Variants in RAB11FIP5 observed in about 807,000 individuals in gnomAD.
RAB11FIP5 encodes the protein rab11 family-interacting protein 5.
A neutral mutation model predicts 85.1 loss-of-function variants in RAB11FIP5; 48 were observed. The observed-to-expected ratio is 0.56, with a 90% confidence interval of 0.45 to 0.72. RAB11FIP5 has a LOEUF of 0.72. Among genes scored for constraint, RAB11FIP5 ranks in the 30% least tolerant of loss-of-function variants. The pLI is 0.00. For missense variants in RAB11FIP5, 1,491 were observed against 1,687.0 expected (o/e 0.88, Z 2.04); for synonymous variants, 729 against 727.3 (o/e 1.00, Z -0.04).
intron 3 of RAB11FIP5, among the ~76,000 whole-genome samples, chr2:73,085,168 T>C (rs1684068554): frequency 6.6e-6 from 1 of 151,674 alleles, no homozygotes; most frequent in Non-Finnish European, 1.5e-5. Flanking sequence ...CCACCAAGAA[T>C]GCAGCCAAGC....
Position 73,080,978 on chromosome 2 carries a change from A to AG in RAB11FIP5, c.2253dup (p.Ser752LeufsTer39). 8.1e-7 allele frequency: 1 copy of AG among 1,232,238 alleles called. No homozygotes were observed. The highest frequency in any genetic ancestry group is 1.0e-6 in the Non-Finnish European group (1 of 988,044). The allele number at this position is 1,232,238 out of a possible 1,614,324, so 76.3% of individuals were successfully genotyped here. ...CTCAGCTGTAGCTGGGCTGACGAGG[A>AG]GGGCAGGCCAGCCCCTACCGACCCG... On this transcript the variant is annotated frameshift_variant, in exon 4 of 6. Coordinates refer to ENST00000486777, the MANE Select transcript of RAB11FIP5 (RefSeq NM_001371272.1). LOFTEE classifies it high-confidence loss of function.
Position 73,075,015 on chromosome 2 carries a change from G to C in RAB11FIP5, c.*506C>G. ...GGGGAATGGGTGTGAGGCTGAAGAG[G>C]CTGGTTGCCCGTAACTCACAGACAA... On this transcript the variant is annotated 3_prime_UTR_variant, in exon 6 of 6. Coordinates refer to ENST00000486777, the MANE Select transcript of RAB11FIP5 (RefSeq NM_001371272.1). The surrounding 1 kb of genome is among the most constrained non-coding windows in gnomAD (Gnocchi z 4.6). 2.8e-6 allele frequency: 1 copy of C among 357,000 alleles called. No individual in the cohort carries two copies. The highest frequency in any genetic ancestry group is 5.5e-6 in the Non-Finnish European group (1 of 181,410). 22.1% of individuals were successfully genotyped at this position (357,000 alleles called of 1,614,324 possible).
At chr2:73,092,366 G>A (rs1477533479) in intron 1 of RAB11FIP5, among the ~76,000 whole-genome samples, 2 of 152,250 alleles carry the variant, frequency 1.3e-5, no homozygotes, top group East Asian at 3.9e-4. Context: ...AATTACCTGA[G>A]GGGACCGGGG....
Position 73,088,544 on chromosome 2 carries a change from G to T in RAB11FIP5, c.1074C>A (p.Ile358=). 6.2e-7 allele frequency: 1 copy of T among 1,613,938 alleles called. No homozygotes were observed. The highest frequency in any genetic ancestry group is 8.5e-7 in the Non-Finnish European group (1 of 1,180,054). ...PQGPVRHRSS[I]SGSLPSSGSL... is the part of the protein sequence containing the mutation. Reference sequence around the variant, plus strand: ...AGCCAGAGGATGGAAGCGAGCCCGAGATGGAGCTGCGGTGCCGCACAGGGC... The same window carrying T: ...AGCCAGAGGATGGAAGCGAGCCCGATATGGAGCTGCGGTGCCGCACAGGGC... The change falls in exon 3 of 6, where the codon ATC becomes ATA. Residue 358 remains isoleucine, a synonymous_variant. Coordinates refer to ENST00000486777, the MANE Select transcript of RAB11FIP5 (RefSeq NM_001371272.1).
chr2:73,102,564 G>A (rs1302355569), intron 1 of RAB11FIP5, among the ~76,000 whole-genome samples: 1 of 152,180 alleles, frequency 6.6e-6, no homozygotes, highest in African/African-American at 2.4e-5. Flanking sequence ...GCCCCTGGGA[G>A]CACCCCTTTT....
At chr2:73,090,273 A>G (rs534434181) in intron 1 of RAB11FIP5, among the ~76,000 whole-genome samples, 1 of 152,250 alleles carries the variant, frequency 6.6e-6, no homozygotes, top group East Asian at 1.9e-4. Context: ...CCCAACACAC[A>G]TGGCCACCAC....
intron 4 of RAB11FIP5, among the ~76,000 whole-genome samples, chr2:73,076,562 G>A (rs988366753): frequency 2.6e-5 from 4 of 152,060 alleles, no homozygotes; most frequent in African/African-American, 9.7e-5. Context: ...TTTCTCTAGT[G>A]CGGTGACCAA....
In RAB11FIP5 at chr2:73,079,735, T is replaced by C; in HGVS notation, c.3497A>G (p.Asp1166Gly). 2.4e-6 allele frequency: 3 copies of C among 1,232,786 alleles called. No individual in the cohort carries two copies. Among genetic ancestry groups the C allele is most frequent in the South Asian group, 4.1e-5 (1 of 24,338 alleles). 76.4% of individuals were successfully genotyped at this position (1,232,786 alleles called of 1,614,324 possible). ...PGGSPALLRE[D>G]LAAATPASPL... is the part of the protein sequence containing the mutation. ...GGAGGCTGGGGTGGCTGCAGCGAGG[T>C]CCTCCCTAAGTAGGGCAGGGGAGCC... The change falls in exon 4 of 6, where the codon GAC becomes GGC. Residue 1166 changes from aspartate (D) to glycine (G), a missense_variant. Transcript: ENST00000486777.
chr2:73,112,592 C>T lies in RAB11FIP5; in HGVS notation c.186G>A (p.Lys62=), dbSNP rs772858868. ...REKYSTSVVE[K]THGCPEWREE... ...CACGCCACTCGGGGCAGCCGTGCGT[C>T]TTCTCCACCACCGACGTACTGTACT... The change falls in exon 1 of 6, where the codon AAG becomes AAA. Residue 62 remains lysine, a synonymous_variant. Coordinates refer to ENST00000486777, the MANE Select transcript of RAB11FIP5 (RefSeq NM_001371272.1). The T allele has an allele frequency of 5.7e-5, 91 of 1,599,130 alleles. No homozygotes were observed. The highest frequency in any genetic ancestry group is 7.7e-5 in the Non-Finnish European group (90 of 1,174,530).
In RAB11FIP5 at chr2:73,076,047, C is replaced by G; in HGVS notation, c.3717G>C (p.Gln1239His). ...CAGCCTGGGGGGCCTGGGTCACAGG[C>G]TGAATGCTCCCAGATGTGACTGTTT... ...KLKTVTSGSI[Q>H]PVTQAPQAGQ... is the part of the protein sequence containing the mutation. The change falls in exon 5 of 6, where the codon CAG becomes CAC. Residue 1239 changes from glutamine to histidine, a missense_variant. Physicochemically the swap from Gln to His is conservative, Grantham distance 24 (BLOSUM62 0). Around this residue, in one of 3 missense-constraint regions of RAB11FIP5, gnomAD observed 232 missense variants for 259.1 expected, o/e 0.90. Coordinates refer to ENST00000486777, the MANE Select transcript of RAB11FIP5 (RefSeq NM_001371272.1). The G allele has an allele frequency of 1.9e-6, 3 of 1,614,144 alleles. No individual in the cohort carries two copies. Among genetic ancestry groups the G allele is most frequent in the South Asian group, 1.1e-5 (1 of 91,090 alleles).
Position 73,081,252 on chromosome 2 carries a change from C to T in RAB11FIP5, c.1980G>A (p.Leu660=), listed in dbSNP as rs1683972752. 1 of 1,232,284 alleles carries T rather than the reference C, an allele frequency of 8.1e-7. No homozygotes were observed. The highest frequency in any genetic ancestry group is 1.6e-5 in the African/African-American group (1 of 64,422). 76.3% of individuals were successfully genotyped at this position (1,232,284 alleles called of 1,614,324 possible). A position where few individuals can be genotyped will look rare whatever the true frequency, so the allele number is the denominator to read the frequency against. Residue 660 remains leucine, a synonymous_variant, in exon 4 of 6, where the codon CTG becomes CTA. Coordinates refer to ENST00000486777, the MANE Select transcript of RAB11FIP5 (RefSeq NM_001371272.1). This position sits in a 1 kb window ranked among gnomAD's most constrained non-coding sequence, Gnocchi z 4.2. ...GGATCTCGCTCCTGGCCTCTGGACG[C>T]AGCCTGCTGGCAGCAAAGACGTTGA... is the stretch of plus-strand genomic sequence containing the variant. The part of the protein sequence containing the change: ...NTFNVFAASR[L]RPEARSEILA...
chr2:73,084,979 G>A (rs748838799), intron 3 of RAB11FIP5, among the ~76,000 whole-genome samples: 1 of 152,236 alleles, frequency 6.6e-6, no homozygotes, highest in Non-Finnish European at 1.5e-5. Context: ...GCACAATGAG[G>A]TGACAGGGGC....
In RAB11FIP5 at chr2:73,081,221, G is replaced by A; in HGVS notation, c.2011C>T (p.Pro671Ser). 2.4e-6 allele frequency: 3 copies of A among 1,232,300 alleles called. No individual in the cohort carries two copies. Among genetic ancestry groups the A allele is most frequent in the Non-Finnish European group, 3.0e-6 (3 of 988,148 alleles). The allele number at this position is 1,232,300 out of a possible 1,614,324, so 76.3% of individuals were successfully genotyped here. Residue 671 changes from proline to serine, a missense_variant, in exon 4 of 6, where the codon CCT becomes TCT. Coordinates refer to ENST00000486777, the MANE Select transcript of RAB11FIP5 (RefSeq NM_001371272.1). The surrounding 1 kb of genome is among the most constrained non-coding windows in gnomAD (Gnocchi z 4.2). ...RPEARSEILA[P>S]AGVGLEAAGL... Reference sequence around the variant, plus strand: ...GCCGCCTCCAGCCCCACTCCTGCAGGGGCCAGGATCTCGCTCCTGGCCTCT... The same window carrying A: ...GCCGCCTCCAGCCCCACTCCTGCAGAGGCCAGGATCTCGCTCCTGGCCTCT...
In RAB11FIP5 at chr2:73,107,255, A is replaced by G. The variant is rs537951332; in HGVS notation, c.431+5092T>C. Among the ~76,000 whole-genome samples the G allele has an allele frequency of 2.0e-5, 3 of 152,366 alleles. No individual in the cohort carries two copies. The East Asian group carries it at 5.8e-4, about 29-fold the overall frequency. The stretch of plus-strand genomic sequence containing the variant: ...GGACTGCTTCCCCTGGAGCAGAGCC[A>G]CAACAGCTTCTGTTCTTGTATTCAT... On this transcript the variant is annotated intron_variant, in intron 1 of 5. Coordinates refer to ENST00000486777, the MANE Select transcript of RAB11FIP5 (RefSeq NM_001371272.1).
At position 73,104,435 on chromosome 2, in the gene RAB11FIP5, G is replaced by A. The variant is rs537732594; in HGVS notation, c.431+7912C>T. On this transcript the variant is annotated intron_variant, in intron 1 of 5. Coordinates refer to ENST00000486777, the MANE Select transcript of RAB11FIP5 (RefSeq NM_001371272.1). ...ATACAAAAATTAGCTGGGCGTGGTG[G>A]CACGCACCTGTAGTCCCAGCTGCTC... 2.5e-3 allele frequency among the ~76,000 whole-genome samples: 377 copies of A among 152,252 alleles called. 3 individuals are homozygous for A. Among genetic ancestry groups the A allele is most frequent in the Non-Finnish European group, 3.9e-3 (267 of 68,018 alleles).
intron 1 of RAB11FIP5, among the ~76,000 whole-genome samples, chr2:73,099,204 C>G (rs190129468): frequency 1.8e-3 from 269 of 152,216 alleles, no homozygotes; most frequent in South Asian, 3.1e-3. Context: ...CCCCTGCCGC[C>G]ATGCCCAGCA....
chr2:73,105,724 G>A (rs1220313275), intron 1 of RAB11FIP5, among the ~76,000 whole-genome samples: 8 of 152,066 alleles, frequency 5.3e-5, no homozygotes, highest in Non-Finnish European at 7.4e-5. Flanking sequence ...ATTAACCCCC[G>A]AGATCCATGT....
intron 1 of RAB11FIP5, among the ~76,000 whole-genome samples, chr2:73,093,775 A>ACG (rs1558521092): frequency 1.3e-5 from 2 of 152,260 alleles, no homozygotes; most frequent in East Asian, 3.9e-4. Context: ...TGAATCCCTG[A>ACG]CGCCGATCGC....
intron 1 of RAB11FIP5, among the ~76,000 whole-genome samples, chr2:73,104,116 A>G (rs1684481335): frequency 6.6e-6 from 1 of 152,188 alleles, no homozygotes; most frequent in African/African-American, 2.4e-5. Flanking sequence ...AAAAAACACA[A>G]CGCATTTGCC....
Sources: allele counts gnomAD v4.1 joint callset (sites outside exome capture counted in the v4.1 genomes callset), GRCh38; gene constraint gnomAD v4.1.1; regional missense constraint gnomAD v4.1.1; non-coding constraint Gnocchi (gnomAD v3.1); transcripts MANE v1.5; gene names NCBI Gene and HGNC (gene_info 2026-07-23, HGNC 2026-07-21).